The following AFAP1 variants were observed in gnomAD, a reference collection of about 807,000 sequenced individuals.
AFAP1 encodes actin filament associated protein 1.
AFAP1 carries 75 observed loss-of-function variants against 93.9 expected under a neutral mutation model. The observed-to-expected ratio is 0.80, with a 90% CI of 0.66 to 0.97. AFAP1 has a LOEUF of 0.97. Among genes scored for constraint, AFAP1 ranks in the 50% least tolerant of loss-of-function variants. The probability of loss-of-function intolerance (pLI) is 0.00; values close to 1 mark genes in which losing one functional copy is unlikely to be tolerated. For missense variants in AFAP1, 1,201 were observed against 1,050.8 expected (o/e 1.14, Z -1.98); for synonymous variants, 517 against 430.7 (o/e 1.20, Z -2.48).
chr4:7,809,508 A>G (rs1719823420), intron 9 of AFAP1, 106 bp downstream of exon 9: 3 of 1,328,100 alleles, frequency 2.3e-6, no homozygotes, highest in Non-Finnish European at 3.1e-6. Flanking sequence ...AATGCAAAAG[A>G]GCTCAAATTA....
chr4:7,811,369 G>A (rs4267739), intron 8 of AFAP1, among the ~76,000 whole-genome samples: 3,166 of 151,330 alleles, frequency 0.021, 100 homozygotes, highest in African/African-American at 0.063. Context: ...TGCAGAGGAA[G>A]AGCGGCCAGG....
chr4:7,858,215 C>T (rs1358103682), intron 3 of AFAP1, among the ~76,000 whole-genome samples: 2 of 152,134 alleles, frequency 1.3e-5, no homozygotes, highest in Non-Finnish European at 2.9e-5. Context: ...AGTGTTTGTG[C>T]TTACATATAC....
At position 7,772,896 on chromosome 4, in the gene AFAP1, C is replaced by A. The variant is rs202073968; in HGVS notation, c.2177G>T (p.Ser726Ile). 1.2e-6 allele frequency: 2 copies of A among 1,614,104 alleles called. No homozygotes were observed. Among genetic ancestry groups the A allele is most frequent in the East Asian group, 4.5e-5 (2 of 44,900 alleles). ...TCCGCCCGCCAGCGCTTTCTTCAGG[C>A]TCTCCTTGACCTCCGTCAGCTCCAG... is the stretch of plus-strand genomic sequence containing the variant. ...LELELTEVKE[S>I]LKKALAGGVT... Residue 726 changes from serine to isoleucine, a missense_variant, in exon 16 of 18, where the codon AGC becomes ATC. Coordinates refer to ENST00000420658, the MANE Select transcript of AFAP1 (RefSeq NM_001134647.2).
At chr4:7,823,875 C>A (rs1721193595) in intron 6 of AFAP1, among the ~76,000 whole-genome samples, 1 of 152,218 alleles carries the variant, frequency 6.6e-6, no homozygotes, top group African/African-American at 2.4e-5. Flanking sequence ...AAGGGGGTGG[C>A]TCATGGCATC....
chr4:7,933,719 A>G (rs1225898130), intron 1 of AFAP1, among the ~76,000 whole-genome samples: 1 of 152,248 alleles, frequency 6.6e-6, no homozygotes. Context: ...TAGAGGCCTC[A>G]GGAGCTGAGG....
At chr4:7,783,538 T>C (rs76750842) in intron 12 of AFAP1, among the ~76,000 whole-genome samples, 2,270 of 152,278 alleles carry the variant, frequency 0.015, 59 homozygotes, top group African/African-American at 0.053. Flanking sequence ...AGGAAGGGCC[T>C]GGGCAGAGGA....
At chr4:7,889,378 C>T (rs1390950593) in intron 1 of AFAP1, among the ~76,000 whole-genome samples, 1 of 151,668 alleles carries the variant, frequency 6.6e-6, no homozygotes, top group Non-Finnish European at 1.5e-5. Flanking sequence ...GAAACCCCAT[C>T]TCTACTAAAA....
intron 1 of AFAP1, among the ~76,000 whole-genome samples, chr4:7,931,227 G>A (rs1236869516): frequency 6.6e-6 from 1 of 152,124 alleles, no homozygotes; most frequent in Non-Finnish European, 1.5e-5. Context: ...CAGGGATCAG[G>A]GTGGAAAAGG....
intron 14 of AFAP1, 109 bp downstream of exon 14, chr4:7,778,653 C>T (rs1273065934): frequency 9.5e-7 from 1 of 1,057,702 alleles, no homozygotes; most frequent in Admixed American, 1.7e-5. Flanking sequence ...ACCGCTCCAT[C>T]TCTCCAGCTG....
intron 11 of AFAP1, among the ~76,000 whole-genome samples, chr4:7,791,604 G>A (rs1033524884): frequency 6.6e-6 from 1 of 151,966 alleles, no homozygotes; most frequent in Non-Finnish European, 1.5e-5. Flanking sequence ...AGCACTTTGG[G>A]AGGCCAAGAC....
intron 6 of AFAP1, among the ~76,000 whole-genome samples, chr4:7,834,128 C>CACACACATAT (rs756961714): frequency 2.8e-4 from 33 of 119,488 alleles, no homozygotes; most frequent in African/African-American, 1.2e-3. Flanking sequence ...CACACACACA[C>CACACACATAT]ATATATACAA....
At chr4:7,888,132 A>G (rs1443350008) in intron 1 of AFAP1, among the ~76,000 whole-genome samples, 1 of 152,236 alleles carries the variant, frequency 6.6e-6, no homozygotes, top group Non-Finnish European at 1.5e-5. Flanking sequence ...CAGCCCCATA[A>G]AGAACAATTA....
chr4:7,839,549 T>G (rs1712738540), intron 5 of AFAP1, among the ~76,000 whole-genome samples: 1 of 152,204 alleles, frequency 6.6e-6, no homozygotes, highest in Non-Finnish European at 1.5e-5. Flanking sequence ...GCTTGTTATC[T>G]GCCTATCTCA....
At chr4:7,936,706 C>T (rs924363567) in intron 1 of AFAP1, among the ~76,000 whole-genome samples, 2 of 151,960 alleles carry the variant, frequency 1.3e-5, no homozygotes, top group African/African-American at 4.8e-5. Flanking sequence ...CTCAGCTTCC[C>T]GAGTAGCTGG....
intron 3 of AFAP1, among the ~76,000 whole-genome samples, chr4:7,855,867 TCCC>T (rs1488675166): frequency 6.6e-6 from 1 of 151,978 alleles, no homozygotes; most frequent in Non-Finnish European, 1.5e-5. Context: ...GAATGCCCCT[TCCC>T]CCACGCAGGA....
intron 4 of AFAP1, among the ~76,000 whole-genome samples, chr4:7,847,701 G>A (rs1240282922): frequency 4.0e-5 from 6 of 148,796 alleles, no homozygotes; most frequent in Non-Finnish European, 7.4e-5. Context: ...TGGGGAGCAG[G>A]GAAAAGAATT....
chr4:7,824,136 G>C (rs1169638221), intron 6 of AFAP1, among the ~76,000 whole-genome samples: 2 of 152,182 alleles, frequency 1.3e-5, no homozygotes, highest in African/African-American at 4.8e-5. Context: ...TCTTTGAACA[G>C]CTATAAATGA....
At position 7,792,897 on chromosome 4, in the gene AFAP1, T is replaced by C. The variant is rs190178396; in HGVS notation, c.1412+784A>G. 1.6e-3 allele frequency among the ~76,000 whole-genome samples: 247 copies of C among 152,320 alleles called. 1 individual carries two copies. Among genetic ancestry groups the C allele is most frequent in the African/African-American group, 5.8e-3 (240 of 41,584 alleles). On this transcript the variant is annotated intron_variant, in intron 11 of 17. Transcript: ENST00000420658. The stretch of plus-strand genomic sequence containing the variant: ...TGACTATTTACATTGGCAGTGACAA[T>C]GATTATTCATACGGCGAAGGGCGAC...
At chr4:7,907,492 G>C (rs1006999572) in intron 1 of AFAP1, among the ~76,000 whole-genome samples, 1 of 152,174 alleles carries the variant, frequency 6.6e-6, no homozygotes, top group Admixed American at 6.5e-5. Flanking sequence ...CTGAGATTAT[G>C]GAAGAAAATA....
Sources: allele counts gnomAD v4.1 joint callset (sites outside exome capture counted in the v4.1 genomes callset), GRCh38; gene constraint gnomAD v4.1.1; transcripts MANE v1.5; gene names NCBI Gene and HGNC (gene_info 2026-07-23, HGNC 2026-07-21).